The following MTA3 variants were observed in gnomAD, a reference collection of about 807,000 sequenced individuals.
MTA3 encodes metastasis-associated protein MTA3.
Under a neutral mutation model 83.5 loss-of-function variants are expected in MTA3, and 34 were observed. The observed-to-expected ratio is 0.41, with a 90% CI of 0.31 to 0.54. The LOEUF is 0.54. MTA3 is among the 20% of genes least tolerant of loss of function. MTA3 has a pLI of 0.33. For missense variants in MTA3, 761 were observed against 726.4 expected (o/e 1.05, Z -0.55); for synonymous variants, 303 against 252.7 (o/e 1.20, Z -1.89).
At chr2:42,613,321 G>T (rs1382182371) in intron 4 of MTA3, among the ~76,000 whole-genome samples, 1 of 152,132 alleles carries the variant, frequency 6.6e-6, no homozygotes, top group Admixed American at 6.6e-5. Flanking sequence ...ATAGACATTT[G>T]GGGCTTTTTG....
Position 42,753,461 on chromosome 2 carries a change from C to T in MTA3, c.*62C>T, listed in dbSNP as rs947471229. The T allele has an allele frequency of 2.0e-5, 31 of 1,549,508 alleles. No homozygotes were observed. Among genetic ancestry groups the T allele is most frequent in the Admixed American group, 3.9e-5 (2 of 50,922 alleles). On this transcript the variant is annotated 3_prime_UTR_variant, in exon 17 of 17. Transcript: ENST00000405094. ...GCACTGTCCTGCTGATGTTCACAGC[C>T]GTGCCTGGGAAGAAGGCAGCCCCAC... is the stretch of plus-strand genomic sequence containing the variant.
intron 11 of MTA3, chr2:42,703,630 C>T (rs1254472585): frequency 6.6e-6 from 1 of 152,394 alleles, no homozygotes; most frequent in African/African-American, 2.4e-5. Flanking sequence ...GTGGCTGACG[C>T]CTGTAATTCC....
At chr2:42,714,821 T>C (rs913903395) in intron 14 of MTA3, among the ~76,000 whole-genome samples, 3 of 152,218 alleles carry the variant, frequency 2.0e-5, no homozygotes, top group African/African-American at 4.8e-5. Flanking sequence ...ATCCCTCGCA[T>C]AGCGGTTCAC....
At chr2:42,601,013 TCTC>T (rs1160400472) in intron 3 of MTA3, among the ~76,000 whole-genome samples, 1 of 152,144 alleles carries the variant, frequency 6.6e-6, no homozygotes, top group Non-Finnish European at 1.5e-5. Flanking sequence ...TTCAGGTAAT[TCTC>T]CTGCCTCAGC....
intron 8 of MTA3, among the ~76,000 whole-genome samples, chr2:42,681,247 T>C (rs548899778): frequency 1.3e-5 from 2 of 152,336 alleles, no homozygotes; most frequent in South Asian, 2.1e-4. Flanking sequence ...CTTTGTCTTC[T>C]ACAATCTCAA....
At chr2:42,519,397 G>C (rs1316024619) in intron 2 of MTA3, among the ~76,000 whole-genome samples, 1 of 152,106 alleles carries the variant, frequency 6.6e-6, no homozygotes, top group African/African-American at 2.4e-5. Flanking sequence ...CCTGAGGTCA[G>C]GAGTTCAAGA....
intron 8 of MTA3, among the ~76,000 whole-genome samples, chr2:42,677,429 G>A (rs1014004864): frequency 1.6e-4 from 25 of 151,902 alleles, no homozygotes; most frequent in African/African-American, 4.8e-4. Context: ...TGCAACTTCC[G>A]CCTCCTGGGT....
intron 9 of MTA3, among the ~76,000 whole-genome samples, chr2:42,694,165 A>G (rs1342907433): frequency 6.6e-6 from 1 of 152,102 alleles, no homozygotes; most frequent in East Asian, 1.9e-4. Flanking sequence ...TTCACTTTCC[A>G]TCCCTTAAGC....
At chr2:42,535,748 T>G (rs1361996671) in intron 2 of MTA3, among the ~76,000 whole-genome samples, 1 of 151,954 alleles carries the variant, frequency 6.6e-6, no homozygotes, top group African/African-American at 2.4e-5. Flanking sequence ...TAATAACCCT[T>G]GGGTAAGTGT....
chr2:42,665,542 G>T (rs1690161234), intron 8 of MTA3, among the ~76,000 whole-genome samples: 1 of 152,224 alleles, frequency 6.6e-6, no homozygotes. Context: ...TACAGCTTCT[G>T]ACTCCCTGTT....
chr2:42,650,113 A>G (rs1459615722), intron 6 of MTA3, among the ~76,000 whole-genome samples: 1 of 152,210 alleles, frequency 6.6e-6, no homozygotes, highest in Non-Finnish European at 1.5e-5. Flanking sequence ...ACTTAGAAAC[A>G]CTGACCCGTA....
chr2:42,734,506 A>T lies in MTA3; in HGVS notation c.1759+11471A>T, dbSNP rs181517325. Among the ~76,000 whole-genome samples, 607 of 102,758 alleles carry T rather than the reference A, an allele frequency of 5.9e-3. 4 individuals are homozygous for T. Among genetic ancestry groups the T allele is most frequent in the Middle Eastern group, 7.7e-3 (1 of 130 alleles). The allele number at this position is 102,758 out of a possible 152,430, so 67.4% of individuals were successfully genotyped here. On this transcript the variant is annotated intron_variant, in intron 16 of 16. Coordinates refer to ENST00000405094, the MANE Select transcript of MTA3 (RefSeq NM_001330442.2). Reference sequence around the variant, plus strand: ...TTTTTTTTTTTTAATCCATTCAACCACTTTATGTCTTTTGGTTGGAGAGTT... The same window carrying T: ...TTTTTTTTTTTTAATCCATTCAACCTCTTTATGTCTTTTGGTTGGAGAGTT...
At chr2:42,494,287 T>C (rs1674027972), upstream of MTA3, among the ~76,000 whole-genome samples, 1 of 152,068 alleles carries the variant, frequency 6.6e-6, no homozygotes. Flanking sequence ...TGCTCCCGCG[T>C]CCTGCCCTGG....
chr2:42,654,555 C>G (rs1688993200), intron 6 of MTA3, among the ~76,000 whole-genome samples: 1 of 152,178 alleles, frequency 6.6e-6, no homozygotes, highest in South Asian at 2.1e-4. Flanking sequence ...ATAGTTATCC[C>G]TTTGTGAGAC....
chr2:42,673,704 A>T (rs1243505106), intron 8 of MTA3, among the ~76,000 whole-genome samples: 2 of 152,214 alleles, frequency 1.3e-5, no homozygotes, highest in Non-Finnish European at 2.9e-5. Flanking sequence ...AATCGAATGA[A>T]GGCCTCAGCT....
intron 6 of MTA3, among the ~76,000 whole-genome samples, chr2:42,652,953 A>G (rs1402258232): frequency 2.6e-5 from 4 of 152,246 alleles, no homozygotes; most frequent in Admixed American, 2.6e-4. Context: ...TATTTGGAAC[A>G]AAGAATGTTT....
At chr2:42,536,260 G>T (rs1035945997) in intron 2 of MTA3, among the ~76,000 whole-genome samples, 6 of 151,632 alleles carry the variant, frequency 4.0e-5, no homozygotes, top group Non-Finnish European at 7.4e-5. Flanking sequence ...GATCACCTGA[G>T]GTCGGGAGTT....
At chr2:42,681,996 C>A (rs550965563) in intron 8 of MTA3, among the ~76,000 whole-genome samples, 25 of 151,974 alleles carry the variant, frequency 1.6e-4, no homozygotes, top group Non-Finnish European at 3.1e-4. Flanking sequence ...CAGTTGAGCC[C>A]AGGAGTTCGA....
intron 2 of MTA3, among the ~76,000 whole-genome samples, chr2:42,543,960 C>T (rs988392467): frequency 2.6e-5 from 4 of 151,842 alleles, no homozygotes; most frequent in African/African-American, 7.3e-5. Flanking sequence ...GGAAGATAGC[C>T]GAGCCAAGGT....
Sources: gnomAD v4.1 joint callset for allele counts (sites outside exome capture counted in the v4.1 genomes callset) on GRCh38, gnomAD v4.1.1 for gene constraint, MANE v1.5 for transcripts, NCBI Gene and HGNC (gene_info 2026-07-23, HGNC 2026-07-21) for gene names.